STXBP6: variants seen among roughly 807,000 people sequenced by gnomAD.
The protein encoded by STXBP6 is syntaxin-binding protein 6.
STXBP6 carries 21 observed loss-of-function variants against 26.9 expected under a neutral mutation model. The observed-to-expected ratio is 0.78, with a 90% CI of 0.55 to 1.12. The LOEUF is 1.12. Ranked by LOEUF, STXBP6 falls within the 50% of genes most tolerant of loss-of-function variation. The pLI is 0.00. For synonymous variants in STXBP6, 97 were observed against 92.6 expected, an observed-to-expected ratio of 1.05 and a Z score of -0.27; for missense variants, 232 against 257.9, an observed-to-expected ratio of 0.90 and a Z score of 0.69.
intron 2 of STXBP6, among the ~76,000 whole-genome samples, chr14:24,942,411 T>C (rs1323565391): frequency 2.6e-5 from 4 of 151,910 alleles, no homozygotes; most frequent in African/African-American, 4.8e-5. Context: ...CTGGAAAGAG[T>C]TCACACACTG....
chr14:25,001,827 C>G (rs974484929), intron 1 of STXBP6, among the ~76,000 whole-genome samples: 1 of 152,180 alleles, frequency 6.6e-6, no homozygotes, highest in Non-Finnish European at 1.5e-5. Context: ...GTAAGCAGGC[C>G]TTTGGTGTGG....
At chr14:24,903,900 G>A (rs1375566813) in intron 2 of STXBP6, among the ~76,000 whole-genome samples, 4 of 152,150 alleles carry the variant, frequency 2.6e-5, no homozygotes, top group East Asian at 1.9e-4. Context: ...GGGCATCTAC[G>A]TGTATACACT....
chr14:24,991,255 G>T (rs1323322586), intron 1 of STXBP6, among the ~76,000 whole-genome samples: 1 of 152,156 alleles, frequency 6.6e-6, no homozygotes, highest in Non-Finnish European at 1.5e-5. Flanking sequence ...CAGTACATAT[G>T]CAGGCTTATG....
At chr14:24,842,293 A>C (rs1334686677) in intron 4 of STXBP6, among the ~76,000 whole-genome samples, 7 of 152,200 alleles carry the variant, frequency 4.6e-5, no homozygotes, top group South Asian at 2.1e-4. Context: ...CAAGCAGCAA[A>C]TCTAGCTCCT....
intron 1 of STXBP6, among the ~76,000 whole-genome samples, chr14:25,021,001 A>C (rs1432193731): frequency 6.6e-6 from 1 of 151,948 alleles, no homozygotes; most frequent in African/African-American, 2.4e-5. Context: ...CAACCCTACC[A>C]CATTTCTCTT....
chr14:24,949,710 T>G (rs1469543150), intron 2 of STXBP6, among the ~76,000 whole-genome samples: 1 of 152,252 alleles, frequency 6.6e-6, no homozygotes, highest in Non-Finnish European at 1.5e-5. Context: ...CCTCCTTACA[T>G]ATTTTAAGTT....
chr14:24,948,762 T>C (rs1487743729), intron 2 of STXBP6, among the ~76,000 whole-genome samples: 6 of 152,130 alleles, frequency 3.9e-5, no homozygotes, highest in Non-Finnish European at 8.8e-5. Context: ...TAGAGGAAAA[T>C]AGAATATTTT....
chr14:24,901,601 A>G (rs1457286702), intron 2 of STXBP6, among the ~76,000 whole-genome samples: 1 of 152,166 alleles, frequency 6.6e-6, no homozygotes, highest in Non-Finnish European at 1.5e-5. Flanking sequence ...AATAACCCAA[A>G]ACTGGAAACA....
chr14:24,817,224 C>G (rs1025535620), intron 5 of STXBP6: 9 of 152,322 alleles, frequency 5.9e-5, no homozygotes, highest in African/African-American at 2.2e-4. Flanking sequence ...GGAAACAGGG[C>G]TACCAGGGCC....
chr14:24,886,341 G>A (rs1021831804), intron 2 of STXBP6, among the ~76,000 whole-genome samples: 2 of 152,072 alleles, frequency 1.3e-5, no homozygotes, highest in Non-Finnish European at 2.9e-5. Flanking sequence ...GATTTTGGTT[G>A]GGATACTTTA....
At chr14:24,942,135 C>T (rs2139996069) in intron 2 of STXBP6, among the ~76,000 whole-genome samples, 1 of 152,192 alleles carries the variant, frequency 6.6e-6, no homozygotes, top group East Asian at 1.9e-4. Context: ...TGGAATTTGA[C>T]AAAATTCCTG....
At chr14:24,881,600 C>T (rs1168090148) in intron 2 of STXBP6, among the ~76,000 whole-genome samples, 1 of 152,196 alleles carries the variant, frequency 6.6e-6, no homozygotes, top group Non-Finnish European at 1.5e-5. Flanking sequence ...ATGAAGGCAG[C>T]TGTGCTAGAC....
At chr14:24,947,996 G>C (rs912682818) in intron 2 of STXBP6, among the ~76,000 whole-genome samples, 1 of 152,120 alleles carries the variant, frequency 6.6e-6, no homozygotes, top group African/African-American at 2.4e-5. Flanking sequence ...TTTCCAATCT[G>C]AAAACAAACA....
At chr14:24,953,815 G>T (rs1227989888) in intron 2 of STXBP6, among the ~76,000 whole-genome samples, 2 of 152,230 alleles carry the variant, frequency 1.3e-5, no homozygotes, top group African/African-American at 4.8e-5. Context: ...GGCCAGTTGA[G>T]AATTACTGAT....
intron 2 of STXBP6, among the ~76,000 whole-genome samples, chr14:24,966,841 C>CT (rs1471353896): frequency 6.6e-6 from 1 of 152,192 alleles, no homozygotes; most frequent in Non-Finnish European, 1.5e-5. Flanking sequence ...AACAGTGTCA[C>CT]TGTAATATGT....
intron 1 of STXBP6, among the ~76,000 whole-genome samples, chr14:25,044,002 T>C (rs1376088578): frequency 7.1e-6 from 1 of 140,086 alleles, no homozygotes; most frequent in Non-Finnish European, 1.6e-5. Flanking sequence ...AAACTCTATC[T>C]CTACCAAAAA....
At position 24,819,021 on chromosome 14, in the gene STXBP6, T is replaced by G. The variant is rs749594; in HGVS notation, c.609+16A>C. On this transcript the variant is annotated intron_variant, in intron 5 of 5. Coordinates refer to ENST00000323944, the MANE Select transcript of STXBP6 (RefSeq NM_001394410.1). ...AACACCCCAGAGCTGAGAAGCCTGC[T>G]CCTCTCTTGGCCCACCTTGTGCGCA... is the stretch of plus-strand genomic sequence containing the variant. The G allele has an allele frequency of 1.3e-6, 2 of 1,557,970 alleles. No individual in the cohort carries two copies. Among genetic ancestry groups the G allele is most frequent in the Non-Finnish European group, 1.7e-6 (2 of 1,149,664 alleles).
intron 1 of STXBP6, among the ~76,000 whole-genome samples, chr14:24,983,612 A>G (rs1429356749): frequency 6.6e-6 from 1 of 152,210 alleles, no homozygotes; most frequent in Non-Finnish European, 1.5e-5. Flanking sequence ...GGTATGATTG[A>G]TAACAGAAAT....
chr14:24,888,497 G>A (rs1204029481), intron 2 of STXBP6, among the ~76,000 whole-genome samples: 2 of 152,170 alleles, frequency 1.3e-5, no homozygotes, highest in Non-Finnish European at 2.9e-5. Context: ...GCCGAGGTGG[G>A]CAGATCATGA....
Sources: gnomAD v4.1 joint callset for allele counts (sites outside exome capture counted in the v4.1 genomes callset) on GRCh38, gnomAD v4.1.1 for gene constraint, MANE v1.5 for transcripts, NCBI Gene and HGNC (gene_info 2026-07-23, HGNC 2026-07-21) for gene names.